The following ZNF160 variants were observed in gnomAD, a reference collection of about 807,000 sequenced individuals.
The protein encoded by ZNF160 is zinc finger protein 160, also known as KRAB zinc finger protein KR18.
ZNF160 carries 9 observed loss-of-function variants against 13.1 expected under a neutral mutation model. That is an observed-to-expected ratio of 0.69 (90% CI 0.41 to 1.20). The LOEUF (loss-of-function observed/expected upper bound fraction) is 1.20, where lower values mean the gene tolerates loss of function less well. ZNF160 is among the 50% of genes most tolerant of loss of function. The pLI, the probability that ZNF160 is intolerant of heterozygous loss-of-function variation, is 0.01. For missense variants in ZNF160, 838 were observed against 988.0 expected, an observed-to-expected ratio of 0.85 and a Z score of 2.04; for synonymous variants, 293 against 333.2, an observed-to-expected ratio of 0.88 and a Z score of 1.31.
intron 1 of ZNF160, among the ~76,000 whole-genome samples, chr19:53,098,386 C>T (rs1391520259): frequency 6.6e-6 from 1 of 151,944 alleles, no homozygotes; most frequent in East Asian, 1.9e-4. Flanking sequence ...CCTCTGGACA[C>T]AAGCGATGCG....
At position 53,069,889 on chromosome 19, in the gene ZNF160, G is replaced by T. The variant is rs61745786; in HGVS notation, c.645C>A (p.Ser215=). 6.2e-7 allele frequency: 1 copy of T among 1,613,986 alleles called. No homozygotes were observed. Among genetic ancestry groups the T allele is most frequent in the African/African-American group, 1.3e-5 (1 of 74,932 alleles). The change falls in exon 6 of 6, where the codon TCC becomes TCA. Residue 215 remains serine, a synonymous_variant. Coordinates refer to ENST00000683776, the MANE Select transcript of ZNF160 (RefSeq NM_001322131.2). The surrounding 1 kb of genome is among the most constrained non-coding windows in gnomAD (Gnocchi z 4.4). ...GAATTTGTTGAAGTGGTGACACTGA[G>T]GAACCATTGTTGGTAGACTTCTCAA... ...NQVEKSTNNG[S]SVSPLQQIPS...
intron 3 of ZNF160, among the ~76,000 whole-genome samples, chr19:53,076,315 A>C (rs1304255722): frequency 1.3e-5 from 2 of 152,210 alleles, no homozygotes; most frequent in Admixed American, 6.5e-5. Context: ...CAATAACTAC[A>C]TGAACTAAAT....
At chr19:53,095,704 A>T (rs1476124825) in intron 1 of ZNF160, 1 of 152,164 alleles carries the variant, frequency 6.6e-6, no homozygotes, top group Non-Finnish European at 1.5e-5. Context: ...AATCTTATGA[A>T]TATATAAATT....
At chr19:53,100,676 C>T (rs572304985) in intron 1 of ZNF160, among the ~76,000 whole-genome samples, 1 of 150,652 alleles carries the variant, frequency 6.6e-6, no homozygotes, top group African/African-American at 2.4e-5. Flanking sequence ...GATATCTTTA[C>T]CAAATACACA....
intron 5 of ZNF160, among the ~76,000 whole-genome samples, chr19:53,070,874 G>T (rs2084145050): frequency 6.6e-6 from 1 of 152,098 alleles, no homozygotes; most frequent in South Asian, 2.1e-4. Flanking sequence ...GGGCAACACA[G>T]CAAGACTCCA....
chr19:53,098,244 TG>T (rs1478427150), intron 1 of ZNF160, among the ~76,000 whole-genome samples: 1 of 152,146 alleles, frequency 6.6e-6, no homozygotes, highest in Non-Finnish European at 1.5e-5. Context: ...GCCAGGTGCA[TG>T]CAGCATTCAT....
At chr19:53,098,988 C>T (rs2085343240) in intron 1 of ZNF160, among the ~76,000 whole-genome samples, 1 of 149,508 alleles carries the variant, frequency 6.7e-6, no homozygotes, top group South Asian at 2.1e-4. Context: ...TCCTCACTAC[C>T]CGCCCTATCC....
rs927155781 is a variant in ZNF160, at chr19:53,075,200, A to G, written c.16-17T>C. 3.1e-6 allele frequency: 5 copies of G among 1,612,632 alleles called. No individual in the cohort carries two copies. The highest frequency in any genetic ancestry group is 4.2e-6 in the Non-Finnish European group (5 of 1,179,606). On this transcript the variant is annotated splice_polypyrimidine_tract_variant and intron_variant, in intron 3 of 5. Transcript: ENST00000683776. Reference sequence around the variant, plus strand: ...CAACCGTACCTAAAATGAAAAACACATTTCACCAAGTGGCTAAGGGGAGAG... The same window carrying G: ...CAACCGTACCTAAAATGAAAAACACGTTTCACCAAGTGGCTAAGGGGAGAG...
Position 53,086,098 on chromosome 19 carries a change from G to A in ZNF160, c.15+164C>T, listed in dbSNP as rs115919526. ...TCCCAAGTTCATGTCACTGGATCAC[G>A]GGAGATGGAATCTAAACGAGATGAG... On this transcript the variant is annotated intron_variant, in intron 3 of 5. Transcript: ENST00000683776. 436 of 1,347,178 alleles carry A rather than the reference G, an allele frequency of 3.2e-4. No individual in the cohort carries two copies. In the African/African-American group the frequency reaches 5.1e-3, roughly 16 times the overall value. The allele number at this position is 1,347,178 out of a possible 1,614,324, so 83.5% of individuals were successfully genotyped here. A position where few individuals can be genotyped will look rare whatever the true frequency, so the allele number is the denominator to read the frequency against.
At chr19:53,075,699 G>A (rs1194293394) in intron 3 of ZNF160, 4 of 518,012 alleles carry the variant, frequency 7.7e-6, no homozygotes, top group Admixed American at 5.8e-5. Flanking sequence ...CTTCCATCTA[G>A]ATGTTCATCT....
intron 2 of ZNF160, among the ~76,000 whole-genome samples, chr19:53,088,489 A>T (rs1414835456): frequency 2.6e-5 from 4 of 152,062 alleles, no homozygotes; most frequent in Non-Finnish European, 4.4e-5. Flanking sequence ...CCTGGCCAAC[A>T]CAGCAAGATC....
chr19:53,102,695 CTCTT>C (rs1330134564), intron 1 of ZNF160, among the ~76,000 whole-genome samples: 3 of 152,194 alleles, frequency 2.0e-5, no homozygotes, highest in South Asian at 2.1e-4. Context: ...CTCTTTGTCT[CTCTT>C]TCTCCTGATT....
intron 3 of ZNF160, among the ~76,000 whole-genome samples, chr19:53,084,044 C>G (rs1294224517): frequency 6.6e-6 from 1 of 152,148 alleles, no homozygotes; most frequent in Non-Finnish European, 1.5e-5. Context: ...GTTCATCCAA[C>G]TATGTGCTTC....
At chr19:53,070,891 C>T (rs1037368089) in intron 5 of ZNF160, among the ~76,000 whole-genome samples, 3 of 151,852 alleles carry the variant, frequency 2.0e-5, no homozygotes, top group African/African-American at 7.3e-5. Context: ...TCCATCTCTA[C>T]AAAAACAAAA....
At chr19:53,086,737 TAG>T (rs1407584182) in intron 2 of ZNF160, among the ~76,000 whole-genome samples, 4 of 152,102 alleles carry the variant, frequency 2.6e-5, no homozygotes, top group African/African-American at 9.7e-5. Flanking sequence ...GGCTACAGAA[TAG>T]AGTCAACTTT....
intron 3 of ZNF160, chr19:53,085,238 A>G: frequency 1.0e-6 from 1 of 985,066 alleles, no homozygotes; most frequent in Non-Finnish European, 1.2e-6. Context: ...AAACATGTCA[A>G]TGTTCAAAAC....
intron 1 of ZNF160, among the ~76,000 whole-genome samples, chr19:53,100,263 T>C (rs572340598): frequency 6.6e-6 from 1 of 152,314 alleles, no homozygotes; most frequent in African/African-American, 2.4e-5. Flanking sequence ...ATCTGCTTAG[T>C]AGTTCACAGG....
At chr19:53,096,781 C>T (rs1286820785) in intron 1 of ZNF160, among the ~76,000 whole-genome samples, 3 of 127,894 alleles carry the variant, frequency 2.3e-5, no homozygotes, top group Admixed American at 7.6e-5. Flanking sequence ...CTCAATCACC[C>T]GCCTGGGGAA....
chr19:53,072,305 T>C (rs1004183675), intron 5 of ZNF160, among the ~76,000 whole-genome samples: 1 of 152,126 alleles, frequency 6.6e-6, no homozygotes, highest in Non-Finnish European at 1.5e-5. Context: ...TTTCACCATG[T>C]TGGTCGGGCC....
Sources: allele counts gnomAD v4.1 joint callset (sites outside exome capture counted in the v4.1 genomes callset), GRCh38; gene constraint gnomAD v4.1.1; non-coding constraint Gnocchi (gnomAD v3.1); transcripts MANE v1.5; gene names NCBI Gene and HGNC (gene_info 2026-07-23, HGNC 2026-07-21).